GOLGA4: variants seen among roughly 807,000 people sequenced by gnomAD.
GOLGA4 encodes the protein golgin subfamily A member 4.
In GOLGA4, 169 loss-of-function variants were observed where a neutral mutation model predicts 265.9. That is an observed-to-expected ratio of 0.64 (90% CI 0.56 to 0.72). The LOEUF (loss-of-function observed/expected upper bound fraction) is 0.72. Ranked by LOEUF, GOLGA4 falls within the 30% of genes least tolerant of loss-of-function variation. The pLI, the probability that GOLGA4 is intolerant of heterozygous loss-of-function variation, is 0.00. For synonymous variants in GOLGA4, 923 were observed against 855.8 expected (o/e 1.08, Z -1.37); for missense variants, 2,482 against 2,483.4 (o/e 1.00, Z 0.01).
chr3:37,318,152 G>A (rs1003753895), intron 11 of GOLGA4, among the ~76,000 whole-genome samples: 1 of 151,732 alleles, frequency 6.6e-6, no homozygotes, highest in Non-Finnish European at 1.5e-5. Flanking sequence ...TTCCCAGATG[G>A]CTACCAAATG....
Position 37,299,277 on chromosome 3 carries a change from A to G in GOLGA4, c.1003-11A>G. The G allele has an allele frequency of 6.4e-7, 1 of 1,574,640 alleles. No individual in the cohort carries two copies. The highest frequency in any genetic ancestry group is 8.7e-7 in the Non-Finnish European group (1 of 1,147,116). ...ATTAGAGATGGAAATGAATTTAAAA[A>G]TTTTTTTTAGGACCTTCATATGGCC... On this transcript the variant is annotated splice_polypyrimidine_tract_variant and intron_variant, in intron 8 of 23. Coordinates refer to ENST00000361924, the MANE Select transcript of GOLGA4 (RefSeq NM_002078.5).
At chr3:37,258,240 T>C (rs777310086) in intron 2 of GOLGA4, among the ~76,000 whole-genome samples, 1 of 147,964 alleles carries the variant, frequency 6.8e-6, no homozygotes, top group Non-Finnish European at 1.5e-5. Context: ...ATGTATGAGA[T>C]ATATAGCATA....
chr3:37,344,299 G>A (rs938723756), intron 20 of GOLGA4, among the ~76,000 whole-genome samples: 1 of 151,870 alleles, frequency 6.6e-6, no homozygotes, highest in East Asian at 1.9e-4. Flanking sequence ...ATGGGGTTTC[G>A]CCATGTTGGC....
chr3:37,331,216 A>G (rs1008430656), intron 16 of GOLGA4, among the ~76,000 whole-genome samples: 1 of 152,214 alleles, frequency 6.6e-6, no homozygotes, highest in African/African-American at 2.4e-5. Flanking sequence ...ATATACATAC[A>G]TATAAATTCT....
chr3:37,330,512 T>C (rs573734775), intron 16 of GOLGA4, among the ~76,000 whole-genome samples: 1 of 152,238 alleles, frequency 6.6e-6, no homozygotes, highest in Admixed American at 6.5e-5. Context: ...ACCTTTTAGG[T>C]AGAAGGGTGA....
In GOLGA4 at chr3:37,319,205, A is replaced by ATTT; in HGVS notation, c.1545+20_1545+22dup. The stretch of plus-strand genomic sequence containing the variant: ...ATGAAAGTAGCTCTTGTAAGTGACT[A>ATTT]TTTTTTTTTTTCTGCTATAGGTATA... On this transcript the variant is annotated intron_variant, in intron 12 of 23. Coordinates refer to ENST00000361924, the MANE Select transcript of GOLGA4 (RefSeq NM_002078.5). The ATTT allele has an allele frequency of 7.7e-7, 1 of 1,301,646 alleles. No individual in the cohort carries two copies. The highest frequency in any genetic ancestry group is 1.0e-6 in the Non-Finnish European group (1 of 960,404). The allele number at this position is 1,301,646 out of a possible 1,614,324, so 80.6% of individuals were successfully genotyped here. A position where few individuals can be genotyped will look rare whatever the true frequency, so the allele number is the denominator to read the frequency against.
In GOLGA4 at chr3:37,296,225, C is replaced by G. The variant is rs749507904; in HGVS notation, c.814+6C>G. Reference sequence around the variant, plus strand: ...AAGTGATGGAGAGCCAGTAGGTAAGCTTCATTTTGTCAAAAGGTTAATTTA... The same window carrying G: ...AAGTGATGGAGAGCCAGTAGGTAAGGTTCATTTTGTCAAAAGGTTAATTTA... On this transcript the variant is annotated splice_donor_region_variant and intron_variant, in intron 7 of 23. Coordinates refer to ENST00000361924, the MANE Select transcript of GOLGA4 (RefSeq NM_002078.5). 5.6e-6 allele frequency: 9 copies of G among 1,613,558 alleles called. No individual in the cohort carries two copies. The African/African-American group carries it at 8.0e-5, about 14-fold the overall frequency.
Position 37,327,029 on chromosome 3 carries a change from G to C in GOLGA4, c.5143G>C (p.Val1715Leu). ...AATTGTACCCAGATCAGCAAAAAAT[G>C]TGGCAGCATATACTGAACAAGAAGA... The part of the protein sequence containing the change: ...TLIVPRSAKN[V>L]AAYTEQEEAD... The change falls in exon 14 of 24, where the codon GTG becomes CTG. Residue 1715 changes from valine (V) to leucine (L), a missense_variant. Val to Leu is a conservative substitution (Grantham distance 32, BLOSUM62 1). This residue lies in a region of GOLGA4 where 942 missense variants were observed against 983.1 expected (regional missense o/e 0.96). Transcript: ENST00000361924. 6.2e-7 allele frequency: 1 copy of C among 1,613,918 alleles called. No homozygotes were observed. The highest frequency in any genetic ancestry group is 8.5e-7 in the Non-Finnish European group (1 of 1,179,846).
chr3:37,256,496 A>G (rs2096749159), intron 2 of GOLGA4, among the ~76,000 whole-genome samples: 1 of 152,112 alleles, frequency 6.6e-6, no homozygotes, highest in African/African-American at 2.4e-5. Context: ...CATAAAAAAA[A>G]TCTATATTAT....
chr3:37,341,699 G>A (rs1408653895), intron 20 of GOLGA4: 6 of 152,310 alleles, frequency 3.9e-5, no homozygotes, highest in Admixed American at 3.9e-4. Context: ...GATCTCAGAA[G>A]TTAAGCAGGG....
At chr3:37,311,827 G>T (rs543852410) in intron 10 of GOLGA4, among the ~76,000 whole-genome samples, 1 of 152,210 alleles carries the variant, frequency 6.6e-6, no homozygotes, top group Non-Finnish European at 1.5e-5. Context: ...GTATATAGAA[G>T]AATATCCTGA....
At chr3:37,358,391 G>C (rs749766226) in intron 22 of GOLGA4, among the ~76,000 whole-genome samples, 1 of 152,080 alleles carries the variant, frequency 6.6e-6, no homozygotes, top group South Asian at 2.1e-4. Flanking sequence ...ACTGTTTTCA[G>C]AGTTTAACCT....
At chr3:37,317,789 CT>C (rs2096942110) in intron 11 of GOLGA4, among the ~76,000 whole-genome samples, 1 of 151,954 alleles carries the variant, frequency 6.6e-6, no homozygotes, top group Non-Finnish European at 1.5e-5. Flanking sequence ...GGCTGTTGGT[CT>C]TTTATGGATT....
At chr3:37,342,248 G>A (rs922442372) in intron 20 of GOLGA4, among the ~76,000 whole-genome samples, 5 of 152,174 alleles carry the variant, frequency 3.3e-5, no homozygotes, top group African/African-American at 9.7e-5. Context: ...GGAAGCTGAG[G>A]CAGGAGAATC....
chr3:37,297,126 A>G (rs1193573797), intron 7 of GOLGA4, among the ~76,000 whole-genome samples: 2 of 152,392 alleles, frequency 1.3e-5, no homozygotes, highest in Middle Eastern at 3.4e-3. Flanking sequence ...TTTAACTGGA[A>G]AAAGAAGAAA....
In GOLGA4 at chr3:37,328,401, A is replaced by G. The variant is rs375901842; in HGVS notation, c.5940-15A>G. The G allele has an allele frequency of 3.6e-5, 58 of 1,607,984 alleles. No homozygotes were observed. In the African/African-American group the frequency reaches 5.0e-4, roughly 14 times the overall value. ...TTTGTGTGGCAGCAGTTAACGGTACATTTTTATTACTCAGACAGGAGCAGG... is the reference window on the plus strand; with the variant it reads ...TTTGTGTGGCAGCAGTTAACGGTACGTTTTTATTACTCAGACAGGAGCAGG... On this transcript the variant is annotated splice_polypyrimidine_tract_variant and intron_variant, in intron 14 of 23. Transcript: ENST00000361924.
chr3:37,345,651 A>G (rs1222274576), intron 20 of GOLGA4, among the ~76,000 whole-genome samples: 1 of 152,222 alleles, frequency 6.6e-6, no homozygotes, highest in Non-Finnish European at 1.5e-5. Flanking sequence ...AAGAGACACA[A>G]GTATTGAAAA....
intron 2 of GOLGA4, among the ~76,000 whole-genome samples, chr3:37,260,917 G>A (rs1533321): frequency 0.4 from 60,793 of 151,396 alleles, 12,777 homozygotes; most frequent in Non-Finnish European, 0.43. Context: ...CTGTAATCCC[G>A]GCAATTTGGG....
chr3:37,358,014 T>C (rs181662800), intron 22 of GOLGA4, among the ~76,000 whole-genome samples: 16 of 152,328 alleles, frequency 1.1e-4, no homozygotes, highest in Non-Finnish European at 1.9e-4. Context: ...TGTTTTGTTA[T>C]TTTTGCCTAA....
Sources: allele counts gnomAD v4.1 joint callset (sites outside exome capture counted in the v4.1 genomes callset), GRCh38; gene constraint gnomAD v4.1.1; regional missense constraint gnomAD v4.1.1; transcripts MANE v1.5; gene names NCBI Gene and HGNC (gene_info 2026-07-23, HGNC 2026-07-21).